Variants in ATOSB observed in about 807,000 individuals in gnomAD.
The protein encoded by ATOSB is atos homolog B, also known as atos homolog protein B.
At chr9:35,112,468 C>CACT in the ATOSB span, 4 of 152,230 alleles carry the variant, frequency 2.6e-5, no homozygotes, top group African/African-American at 9.6e-5. Flanking sequence ...TCCACCCTCC[C>CACT]ACTGAGTCAC....
chr9:35,105,304 G>T, the ATOSB span: 1 of 1,614,168 alleles, frequency 6.2e-7, no homozygotes, highest in African/African-American at 1.3e-5. This position sits in a 1 kb window ranked among gnomAD's most constrained non-coding sequence, Gnocchi z 5.5. Flanking sequence ...TCCAGCTCCA[G>T]GCTCCGGCGG....
the ATOSB span, chr9:35,105,795 G>C: frequency 6.2e-7 from 1 of 1,614,180 alleles, no homozygotes; most frequent in Non-Finnish European, 8.5e-7. The surrounding 1 kb of genome is among the most constrained non-coding windows in gnomAD (Gnocchi z 5.5). Context: ...CAGCAGGCAT[G>C]TCCGAGAAGT....
chr9:35,110,241 A>AAG, the ATOSB span: 1 of 152,208 alleles, frequency 6.6e-6, no homozygotes. Flanking sequence ...GCACTATCCT[A>AAG]CCTGCAACCA....
chr9:35,107,512 A>T, the ATOSB span: 1 of 1,603,442 alleles, frequency 6.2e-7, no homozygotes, highest in Non-Finnish European at 8.5e-7. Flanking sequence ...TCTTCCTCAG[A>T]GCTGACATCT....
the ATOSB span, chr9:35,112,474 G>A: frequency 6.6e-6 from 1 of 152,348 alleles, no homozygotes; most frequent in East Asian, 1.9e-4. Context: ...CTCCCACTGA[G>A]TCACTGGGCC....
the ATOSB span, chr9:35,111,422 C>T: frequency 6.5e-6 from 1 of 153,280 alleles, no homozygotes; most frequent in Non-Finnish European, 1.5e-5. Context: ...CTCTGCTAGG[C>T]TCTTCGCTGT....
chr9:35,114,612 C>T, the ATOSB span, among the ~76,000 whole-genome samples: 2 of 152,180 alleles, frequency 1.3e-5, no homozygotes, highest in South Asian at 4.1e-4. Context: ...TCTGATAGTG[C>T]TTCCAAGCCT....
chr9:35,113,495 G>C, the ATOSB span, among the ~76,000 whole-genome samples: 1 of 152,146 alleles, frequency 6.6e-6, no homozygotes, highest in East Asian at 1.9e-4. Flanking sequence ...GTGGTGGCGC[G>C]CACCTGTAAT....
the ATOSB span, chr9:35,107,232 A>G: frequency 1.1e-6 from 1 of 935,902 alleles, no homozygotes; most frequent in East Asian, 2.8e-5. Flanking sequence ...CTGAGGTTGG[A>G]GGATCCCTTG....
chr9:35,108,139 C>T, the ATOSB span: 7,448 of 1,576,064 alleles, frequency 4.7e-3, 36 homozygotes, highest in South Asian at 0.014. Flanking sequence ...TGGTAGACCC[C>T]GGGGGATGTC....
At chr9:35,105,596 A>C in the ATOSB span, 1 of 1,388,710 alleles carries the variant, frequency 7.2e-7, no homozygotes, top group Non-Finnish European at 9.9e-7. This position sits in a 1 kb window ranked among gnomAD's most constrained non-coding sequence, Gnocchi z 5.5. Context: ...CTAAGCAAGA[A>C]TCCGGACAGT....
the ATOSB span, chr9:35,106,652 G>T: frequency 6.5e-7 from 1 of 1,546,110 alleles, no homozygotes; most frequent in Non-Finnish European, 8.8e-7. This position sits in a 1 kb window ranked among gnomAD's most constrained non-coding sequence, Gnocchi z 4.6. Flanking sequence ...TCCTGGTAGA[G>T]GAAGGGAAAC....
At chr9:35,112,446 C>T in the ATOSB span, 1 of 152,164 alleles carries the variant, frequency 6.6e-6, no homozygotes, top group Non-Finnish European at 1.5e-5. Flanking sequence ...ACTCACAGCT[C>T]CCTCAAAACT....
chr9:35,108,073 G>A, the ATOSB span: 4 of 1,534,782 alleles, frequency 2.6e-6, no homozygotes, highest in Non-Finnish European at 3.5e-6. Flanking sequence ...GGGGCTTGTC[G>A]TTTCAGGGCC....
At chr9:35,104,201 G>A in the ATOSB span, 1 of 152,510 alleles carries the variant, frequency 6.6e-6, no homozygotes, top group South Asian at 2.1e-4. Flanking sequence ...ATTTTTTCCT[G>A]TTTTTGATTT....
the ATOSB span, chr9:35,108,936 G>C: frequency 6.6e-6 from 1 of 152,404 alleles, no homozygotes; most frequent in Non-Finnish European, 1.5e-5. Context: ...GCAGGTCTTG[G>C]CTCAGTATAA....
the ATOSB span, among the ~76,000 whole-genome samples, chr9:35,112,911 C>G: frequency 6.6e-6 from 1 of 152,102 alleles, no homozygotes; most frequent in Admixed American, 6.5e-5. Context: ...TCCCTCAGTC[C>G]TAGACTTGGG....
the ATOSB span, chr9:35,108,330 G>A: frequency 3.2e-5 from 48 of 1,483,700 alleles, no homozygotes; most frequent in Middle Eastern, 5.4e-4. Flanking sequence ...CTGGGCCTGG[G>A]CTGGGGGGCC....
the ATOSB span, chr9:35,105,098 C>G: frequency 1.9e-6 from 2 of 1,056,806 alleles, no homozygotes; most frequent in Admixed American, 3.1e-5. This position sits in a 1 kb window ranked among gnomAD's most constrained non-coding sequence, Gnocchi z 5.5. Context: ...TCCATTTGGG[C>G]GTGAGCATGG....
Sources: gnomAD v4.1 joint callset for allele counts (sites outside exome capture counted in the v4.1 genomes callset) on GRCh38, gnomAD v4.1.1 for gene constraint, Gnocchi (gnomAD v3.1) non-coding constraint, MANE v1.5 for transcripts, NCBI Gene and HGNC (gene_info 2026-07-23, HGNC 2026-07-21) for gene names.